ST8SIA4: variants seen among roughly 807,000 people sequenced by gnomAD.
ST8SIA4 encodes the protein CMP-N-acetylneuraminate-poly-alpha-2,8-sialyltransferase.
ST8SIA4 carries 15 observed loss-of-function variants against 33.9 expected under a neutral mutation model. That is an observed-to-expected ratio of 0.44 (90% CI 0.30 to 0.68). The LOEUF (loss-of-function observed/expected upper bound fraction) is 0.68, where lower values mean the gene tolerates loss of function less well. Ranked by LOEUF, ST8SIA4 falls within the 30% of genes least tolerant of loss-of-function variation. ST8SIA4 has a pLI of 0.10. For missense variants in ST8SIA4, 321 were observed against 428.0 expected, an observed-to-expected ratio of 0.75 and a Z score of 2.21; for synonymous variants, 171 against 151.2, an observed-to-expected ratio of 1.13 and a Z score of -0.96.
At chr5:100,853,983 GTA>G (rs1491273451) in intron 4 of ST8SIA4, among the ~76,000 whole-genome samples, 93,248 of 147,098 alleles carry the variant, frequency 0.63, 29,147 homozygotes, top group South Asian at 0.77. Context: ...TTGTGTGTGT[GTA>G]TGTGTGTGTG....
intron 3 of ST8SIA4, 114 bp downstream of exon 3, chr5:100,886,229 G>A: frequency 1.4e-6 from 2 of 1,480,474 alleles, no homozygotes; most frequent in Non-Finnish European, 1.8e-6. Context: ...GGATATCATA[G>A]ACAAATATTT....
Position 100,856,245 on chromosome 5 carries a change from T to G in ST8SIA4, c.655A>C (p.Asn219His), listed in dbSNP as rs1357980150. 2.5e-6 allele frequency: 4 copies of G among 1,614,142 alleles called. No individual in the cohort carries two copies. The highest frequency in any genetic ancestry group is 3.4e-6 in the Non-Finnish European group (4 of 1,179,992). The change falls in exon 4 of 5, where the codon AAT becomes CAT. Residue 219 changes from asparagine to histidine, a missense_variant. Coordinates refer to ENST00000231461, the MANE Select transcript of ST8SIA4 (RefSeq NM_005668.6). ...EKFVHRLSML[N>H]DSVLWIPAFM... ...GCAGGAATCCAAAGGACACTGTCAT[T>G]CAGCATGGAAAGTCTATGCACAAAT...
intron 3 of ST8SIA4, among the ~76,000 whole-genome samples, chr5:100,872,550 G>A (rs1224566389): frequency 2.0e-5 from 3 of 152,008 alleles, no homozygotes; most frequent in Non-Finnish European, 2.9e-5. Flanking sequence ...GATTCATGGA[G>A]GGAGTTTCCT....
chr5:100,824,896 CA>C (rs34354091), intron 4 of ST8SIA4, among the ~76,000 whole-genome samples: 94,337 of 115,280 alleles, frequency 0.82, 38,168 homozygotes, highest in Middle Eastern at 0.93. Flanking sequence ...CCTGTCTTGA[CA>C]AAAAAAAAAA....
intron 4 of ST8SIA4, among the ~76,000 whole-genome samples, chr5:100,817,101 C>T (rs544986986): frequency 1.2e-3 from 166 of 142,110 alleles, no homozygotes; most frequent in Non-Finnish European, 2.1e-3. Context: ...CACTACAACA[C>T]CCAGCTAATT....
intron 4 of ST8SIA4, among the ~76,000 whole-genome samples, chr5:100,843,103 T>C (rs1267650922): frequency 6.6e-6 from 1 of 151,890 alleles, no homozygotes; most frequent in Non-Finnish European, 1.5e-5. Flanking sequence ...ATATAAGCTA[T>C]TTACCTAAGA....
At chr5:100,895,036 T>A (rs919950558) in intron 2 of ST8SIA4, among the ~76,000 whole-genome samples, 1 of 152,040 alleles carries the variant, frequency 6.6e-6, no homozygotes, top group Non-Finnish European at 1.5e-5. Flanking sequence ...TTCTTATTAG[T>A]AACAGGTTTA....
chr5:100,858,723 C>G (rs1387309492), intron 3 of ST8SIA4, among the ~76,000 whole-genome samples: 1 of 152,044 alleles, frequency 6.6e-6, no homozygotes, highest in Non-Finnish European at 1.5e-5. Context: ...AGGAAACAAA[C>G]CAACATATTT....
chr5:100,878,112 T>C (rs1445802415), intron 3 of ST8SIA4, among the ~76,000 whole-genome samples: 2 of 152,194 alleles, frequency 1.3e-5, no homozygotes, highest in South Asian at 2.1e-4. Context: ...AGTGGCCTAA[T>C]TAATCAAATG....
chr5:100,886,322 A>G (rs1032320646), intron 3 of ST8SIA4, 21 bp downstream of exon 3: 2 of 1,599,926 alleles, frequency 1.3e-6, no homozygotes, highest in Non-Finnish European at 8.5e-7. Flanking sequence ...TTACAATCTC[A>G]AAAAGCAGAA....
chr5:100,833,210 G>A (rs1047221265), intron 4 of ST8SIA4, among the ~76,000 whole-genome samples: 1 of 152,050 alleles, frequency 6.6e-6, no homozygotes, highest in African/African-American at 2.4e-5. Context: ...TTACATCCCT[G>A]GTACCTAGCA....
intron 4 of ST8SIA4, among the ~76,000 whole-genome samples, chr5:100,847,079 C>T (rs989615857): frequency 1.3e-5 from 2 of 151,990 alleles, no homozygotes; most frequent in African/African-American, 2.4e-5. Flanking sequence ...ATACCTAATA[C>T]GCGGCATCTA....
chr5:100,845,765 T>G (rs1751556058), intron 4 of ST8SIA4, among the ~76,000 whole-genome samples: 1 of 151,976 alleles, frequency 6.6e-6, no homozygotes, highest in African/African-American at 2.4e-5. Context: ...TAACGATTTT[T>G]CCTCTATTGA....
intron 3 of ST8SIA4, among the ~76,000 whole-genome samples, chr5:100,865,777 T>C (rs563346846): frequency 1.2e-4 from 19 of 152,172 alleles, no homozygotes; most frequent in Non-Finnish European, 2.4e-4. Context: ...GCCTCATATA[T>C]ACTCCTTTTA....
rs1750989108 is a variant in ST8SIA4, at chr5:100,819,184, A to C, written c.798-7055T>G. On this transcript the variant is annotated intron_variant, in intron 4 of 4. Coordinates refer to ENST00000231461, the MANE Select transcript of ST8SIA4 (RefSeq NM_005668.6). ...GCAGTTGTGGCTCAAGAAGTAAAATAGCTTATCCAGTTTTACTCAGCCAAC... is the reference window on the plus strand; with the variant it reads ...GCAGTTGTGGCTCAAGAAGTAAAATCGCTTATCCAGTTTTACTCAGCCAAC... Among the ~76,000 whole-genome samples the C allele has an allele frequency of 2.0e-5, 3 of 152,360 alleles. No homozygotes were observed. The South Asian group carries it at 6.2e-4, about 32-fold the overall frequency.
At chr5:100,882,496 C>T (rs1437486191) in intron 3 of ST8SIA4, among the ~76,000 whole-genome samples, 1 of 152,152 alleles carries the variant, frequency 6.6e-6, no homozygotes, top group Non-Finnish European at 1.5e-5. Flanking sequence ...AAATAAAAAC[C>T]TATTTTCTGG....
chr5:100,861,778 T>C (rs778622386), intron 3 of ST8SIA4, among the ~76,000 whole-genome samples: 8 of 152,180 alleles, frequency 5.3e-5, no homozygotes, highest in Admixed American at 3.3e-4. Flanking sequence ...TTTTTACTTC[T>C]TCCTTTATTG....
chr5:100,848,481 A>C (rs1385833652), intron 4 of ST8SIA4, among the ~76,000 whole-genome samples: 1 of 144,752 alleles, frequency 6.9e-6, no homozygotes, highest in African/African-American at 2.5e-5. Flanking sequence ...ATACACATAT[A>C]TACACACAGA....
At chr5:100,887,995 G>T (rs1035751097) in intron 2 of ST8SIA4, among the ~76,000 whole-genome samples, 1 of 151,874 alleles carries the variant, frequency 6.6e-6, no homozygotes. Context: ...GCAGCAAAAG[G>T]GATATTGCCT....
Sources: allele counts gnomAD v4.1 joint callset (sites outside exome capture counted in the v4.1 genomes callset), GRCh38; gene constraint gnomAD v4.1.1; transcripts MANE v1.5; gene names NCBI Gene and HGNC (gene_info 2026-07-23, HGNC 2026-07-21).